Variants in IKBKB-DT observed in about 807,000 individuals in gnomAD.
The protein encoded by IKBKB-DT is IKBKB divergent transcript, also known as IKBKB antisense RNA.
intron 3 of IKBKB-DT, among the ~76,000 whole-genome samples, chr8:42,245,392 G>A (rs933352833): frequency 6.6e-6 from 1 of 152,214 alleles, no homozygotes; most frequent in Non-Finnish European, 1.5e-5. Flanking sequence ...CAGAAAATGG[G>A]TCAGGACGCC....
At chr8:42,252,897 G>A (rs529919665) in intron 3 of IKBKB-DT, among the ~76,000 whole-genome samples, 35 of 152,190 alleles carry the variant, frequency 2.3e-4, no homozygotes, top group African/African-American at 8.2e-4. Context: ...AGCATAACAT[G>A]ACAAAGAAGA....
intron 2 of IKBKB-DT, among the ~76,000 whole-genome samples, chr8:42,264,916 G>A (rs902387988): frequency 6.6e-6 from 1 of 151,026 alleles, no homozygotes; most frequent in African/African-American, 2.4e-5. Context: ...AGGCTGGAGT[G>A]CAATGGCGCC....
intron 1 of IKBKB-DT, among the ~76,000 whole-genome samples, chr8:42,267,533 T>G (rs1807392149): frequency 6.6e-6 from 1 of 152,146 alleles, no homozygotes; most frequent in Non-Finnish European, 1.5e-5. Context: ...AGATTCTAAG[T>G]GCCTCTGATG....
chr8:42,259,392 G>A (rs1177971606), intron 3 of IKBKB-DT, among the ~76,000 whole-genome samples: 1 of 152,108 alleles, frequency 6.6e-6, no homozygotes, highest in East Asian at 1.9e-4. Context: ...GGAGTCTCTT[G>A]TACTATGAAG....
At chr8:42,234,465 C>T (rs1046346128) in intron 3 of IKBKB-DT, among the ~76,000 whole-genome samples, 2 of 152,140 alleles carry the variant, frequency 1.3e-5, no homozygotes, top group Admixed American at 1.3e-4. Context: ...TGATACACAA[C>T]ATTTTAAGAC....
chr8:42,261,716 G>A (rs1232919685), intron 3 of IKBKB-DT, among the ~76,000 whole-genome samples: 3 of 152,096 alleles, frequency 2.0e-5, no homozygotes, highest in Non-Finnish European at 4.4e-5. Flanking sequence ...AGTGTGTCCC[G>A]GGCTGCAGTC....
chr8:42,265,111 A>G (rs937978745), intron 2 of IKBKB-DT, among the ~76,000 whole-genome samples: 5 of 150,524 alleles, frequency 3.3e-5, no homozygotes, highest in African/African-American at 1.2e-4. Context: ...GATCCACCCC[A>G]CTCGGCCTCC....
intron 3 of IKBKB-DT, among the ~76,000 whole-genome samples, chr8:42,246,043 G>GT: frequency 6.6e-6 from 1 of 152,226 alleles, no homozygotes. Flanking sequence ...TGCTTGTTTT[G>GT]TTTTTTGTTT....
rs138322013 is a variant in IKBKB-DT, at chr8:42,267,850, C to T, written n.604-1454G>A. On this transcript the variant is annotated intron_variant and non_coding_transcript_variant, in intron 1 of 3. Coordinates refer to ENST00000518213, the Ensembl canonical transcript of IKBKB-DT. ...GGAATATGATAAAACCCAGAGGCCC[C>T]TTCCTGGTCCATGATTAATTGAAGA... Among the ~76,000 whole-genome samples the T allele has an allele frequency of 2.4e-4, 36 of 152,084 alleles. 1 individual carries two copies. Among genetic ancestry groups the T allele is most frequent in the Non-Finnish European group, 4.1e-4 (28 of 68,018 alleles).
chr8:42,235,051 C>T (rs148494968), intron 3 of IKBKB-DT, among the ~76,000 whole-genome samples: 78 of 152,142 alleles, frequency 5.1e-4, no homozygotes, highest in African/African-American at 1.8e-3. Context: ...TGCCATTATT[C>T]CAGAGGTCAT....
intron 3 of IKBKB-DT, among the ~76,000 whole-genome samples, chr8:42,244,357 A>C (rs1463692656): frequency 2.0e-5 from 3 of 152,170 alleles, no homozygotes; most frequent in African/African-American, 7.2e-5. Context: ...TTAGAAAATA[A>C]GGGAGGGGGC....
chr8:42,268,508 T>G (rs1041573648), intron 1 of IKBKB-DT, among the ~76,000 whole-genome samples: 2 of 152,052 alleles, frequency 1.3e-5, no homozygotes, highest in African/African-American at 4.8e-5. Context: ...TGACCTCAAG[T>G]GATCTGCCTG....
chr8:42,235,161 ACT>A (rs1256974846), intron 3 of IKBKB-DT, among the ~76,000 whole-genome samples: 1 of 90,206 alleles, frequency 1.1e-5, no homozygotes. Context: ...TTTTTTTCTA[ACT>A]CTTTTTACTG....
At chr8:42,251,399 A>C (rs981788878) in intron 3 of IKBKB-DT, among the ~76,000 whole-genome samples, 1 of 152,224 alleles carries the variant, frequency 6.6e-6, no homozygotes, top group South Asian at 2.1e-4. Context: ...AGGTTAGTGC[A>C]GGGAAGAACA....
rs80066304 is a variant in IKBKB-DT at position 42,256,780 on chromosome 8, T to C, written n.1529+6549A>G. Among the ~76,000 whole-genome samples, 1,175 of 152,214 alleles carry C rather than the reference T, an allele frequency of 7.7e-3. 9 individuals are homozygous for C. The highest frequency in any genetic ancestry group is 0.017 in the Middle Eastern group (5 of 294). ...CGTTTTCTCCATGAATCTCCTTAAA[T>C]ACAAATGCACTTTCTTGAGGTTCCT... On this transcript the variant is annotated intron_variant and non_coding_transcript_variant, in intron 3 of 3. Transcript: ENST00000518213.
chr8:42,237,053 CTT>C (rs1404743931), intron 3 of IKBKB-DT, among the ~76,000 whole-genome samples: 1 of 150,530 alleles, frequency 6.6e-6, no homozygotes, highest in Non-Finnish European at 1.5e-5. Flanking sequence ...CACCCCAAAT[CTT>C]ATCTCTTTTA....
chr8:42,258,707 A>G (rs1807240978), intron 3 of IKBKB-DT, among the ~76,000 whole-genome samples: 1 of 152,010 alleles, frequency 6.6e-6, no homozygotes, highest in East Asian at 1.9e-4. Flanking sequence ...TGACCTGGTG[A>G]TCCGCCCGCC....
intron 3 of IKBKB-DT, chr8:42,249,214 G>C (rs1167200642): frequency 6.6e-6 from 1 of 151,784 alleles, no homozygotes; most frequent in African/African-American, 2.4e-5. Context: ...CAAAAAAACT[G>C]AAAAATTGGC....
At chr8:42,245,865 T>A (rs1807057360) in intron 3 of IKBKB-DT, among the ~76,000 whole-genome samples, 2 of 152,208 alleles carry the variant, frequency 1.3e-5, no homozygotes, top group Admixed American at 1.3e-4. Flanking sequence ...AAAGGATGTT[T>A]ACTGCAGATA....
Sources: gnomAD v4.1 joint callset for allele counts (sites outside exome capture counted in the v4.1 genomes callset) on GRCh38, gnomAD v4.1.1 for gene constraint, MANE v1.5 for transcripts, NCBI Gene and HGNC (gene_info 2026-07-23, HGNC 2026-07-21) for gene names.